SUPT3H: variants seen among roughly 807,000 people sequenced by gnomAD.
The protein encoded by SUPT3H is SPT3 homolog, SAGA and STAGA complex component.
In SUPT3H, 44 loss-of-function variants were observed where a neutral mutation model predicts 44.3. The ratio of observed to expected loss-of-function variants is 0.99; its 90% CI spans 0.78 to 1.28. The LOEUF (loss-of-function observed/expected upper bound fraction) is 1.28, where lower values mean the gene tolerates loss of function less well. Ranked by LOEUF, SUPT3H falls within the 50% of genes most tolerant of loss-of-function variation. The pLI is 0.00. For synonymous variants in SUPT3H, 124 were observed against 125.6 expected (o/e 0.99, Z 0.09); for missense variants, 380 against 387.1 (o/e 0.98, Z 0.15).
intron 2 of SUPT3H, among the ~76,000 whole-genome samples, chr6:45,156,826 G>C (rs1457003719): frequency 6.6e-6 from 1 of 151,718 alleles, no homozygotes; most frequent in Non-Finnish European, 1.5e-5. Context: ...TCCAAAGCTA[G>C]TGTGAAATAT....
chr6:44,848,971 A>T (rs2153420478), intron 10 of SUPT3H, among the ~76,000 whole-genome samples: 1 of 152,348 alleles, frequency 6.6e-6, no homozygotes, highest in South Asian at 2.1e-4. Flanking sequence ...AGTCTAAATA[A>T]ACAACTGATA....
At chr6:44,889,817 G>T (rs1259547731) in intron 10 of SUPT3H, among the ~76,000 whole-genome samples, 1 of 152,078 alleles carries the variant, frequency 6.6e-6, no homozygotes, top group Non-Finnish European at 1.5e-5. Context: ...CCATCAGAGT[G>T]AACAGGCAAC....
At chr6:45,195,429 T>C (rs1815856033) in intron 2 of SUPT3H, among the ~76,000 whole-genome samples, 1 of 152,156 alleles carries the variant, frequency 6.6e-6, no homozygotes, top group Admixed American at 6.6e-5. Context: ...AAGAACAACC[T>C]TGTGCTTCTA....
At chr6:45,153,408 T>C (rs903876634) in intron 2 of SUPT3H, among the ~76,000 whole-genome samples, 8 of 152,158 alleles carry the variant, frequency 5.3e-5, no homozygotes, top group Admixed American at 3.3e-4. Flanking sequence ...GAACAACAAG[T>C]AGATATCAGA....
chr6:44,966,176 T>C (rs779212691), intron 6 of SUPT3H, among the ~76,000 whole-genome samples: 1 of 152,162 alleles, frequency 6.6e-6, no homozygotes, highest in Non-Finnish European at 1.5e-5. Context: ...AGATCACCCA[T>C]TCTGATCCAT....
intron 3 of SUPT3H, among the ~76,000 whole-genome samples, chr6:45,067,169 AC>A (rs1793496757): frequency 7.0e-6 from 1 of 142,710 alleles, no homozygotes; most frequent in South Asian, 2.4e-4. Context: ...CATATCTACA[AC>A]TATCTGATCT....
chr6:45,364,859 C>T (rs1794860746), intron 2 of SUPT3H, among the ~76,000 whole-genome samples: 2 of 152,146 alleles, frequency 1.3e-5, no homozygotes, highest in South Asian at 4.1e-4. Context: ...AGAATATAAT[C>T]AGTCTCAAAA....
intron 10 of SUPT3H, among the ~76,000 whole-genome samples, chr6:44,870,867 G>A (rs893960606): frequency 1.4e-4 from 21 of 151,768 alleles, no homozygotes; most frequent in African/African-American, 3.9e-4. Context: ...TTCCCTTTCC[G>A]AGTCAAAGAA....
intron 2 of SUPT3H, among the ~76,000 whole-genome samples, chr6:45,343,675 T>A (rs189969994): frequency 1.8e-4 from 28 of 152,330 alleles, no homozygotes; most frequent in Non-Finnish European, 3.1e-4. Flanking sequence ...CTTCATGTTG[T>A]CAATGATGTC....
At chr6:45,010,614 A>C (rs1783348129) in intron 5 of SUPT3H, among the ~76,000 whole-genome samples, 1 of 152,162 alleles carries the variant, frequency 6.6e-6, no homozygotes, top group Non-Finnish European at 1.5e-5. Context: ...TGTCTGGTGA[A>C]GGCCTGCTTC....
At chr6:45,235,990 T>C (rs529470883) in intron 2 of SUPT3H, among the ~76,000 whole-genome samples, 2 of 152,260 alleles carry the variant, frequency 1.3e-5, no homozygotes, top group South Asian at 2.1e-4. Context: ...CCAGAGCCCA[T>C]CCCTTTGTTT....
intron 2 of SUPT3H, among the ~76,000 whole-genome samples, chr6:45,317,227 CAAAA>C (rs70996324): frequency 5.5e-5 from 2 of 36,084 alleles, no homozygotes; most frequent in East Asian, 8.9e-4. Flanking sequence ...GACTCTGTCT[CAAAA>C]AAAAAAAAAA....
intron 2 of SUPT3H, among the ~76,000 whole-genome samples, chr6:45,183,524 T>C (rs1002429762): frequency 2.6e-5 from 4 of 152,012 alleles, no homozygotes; most frequent in Non-Finnish European, 4.4e-5. Flanking sequence ...AAGAAAAAGG[T>C]CCCACAAGCT....
At chr6:44,884,105 T>C (rs1431536762) in intron 10 of SUPT3H, among the ~76,000 whole-genome samples, 1 of 152,176 alleles carries the variant, frequency 6.6e-6, no homozygotes, top group Admixed American at 6.5e-5. Flanking sequence ...TTTTGCAATC[T>C]ATCCATTTGA....
chr6:45,065,831 C>CA (rs1165075909), intron 3 of SUPT3H, among the ~76,000 whole-genome samples: 1 of 150,130 alleles, frequency 6.7e-6, no homozygotes, highest in East Asian at 2.0e-4. Flanking sequence ...GTTTACCAAC[C>CA]AAAAAGAGTC....
At chr6:44,863,974 A>G (rs1775080850) in intron 10 of SUPT3H, among the ~76,000 whole-genome samples, 2 of 151,994 alleles carry the variant, frequency 1.3e-5, no homozygotes, top group South Asian at 4.2e-4. Context: ...CCCTCCCACA[A>G]TATGTGGGAA....
At chr6:45,154,211 A>C (rs1285028) in intron 2 of SUPT3H, among the ~76,000 whole-genome samples, 132,173 of 152,032 alleles carry the variant, frequency 0.87, 57,712 homozygotes, top group African/African-American at 0.91. Flanking sequence ...ATAGTCAATT[A>C]ATTCACATAT....
intron 3 of SUPT3H, among the ~76,000 whole-genome samples, chr6:45,061,981 C>T (rs1792164191): frequency 1.4e-5 from 2 of 144,806 alleles, no homozygotes; most frequent in East Asian, 4.3e-4. Flanking sequence ...CACTTACACA[C>T]TAAAACACAC....
chr6:45,161,677 T>G (rs1809004235), intron 2 of SUPT3H, among the ~76,000 whole-genome samples: 1 of 152,124 alleles, frequency 6.6e-6, no homozygotes, highest in African/African-American at 2.4e-5. Flanking sequence ...TGCTGACCAC[T>G]CAACACACAC....
Sources: allele counts gnomAD v4.1 joint callset (sites outside exome capture counted in the v4.1 genomes callset), GRCh38; gene constraint gnomAD v4.1.1; transcripts MANE v1.5; gene names NCBI Gene and HGNC (gene_info 2026-07-23, HGNC 2026-07-21).